The following POC1A variants were observed in gnomAD, a reference collection of about 807,000 sequenced individuals.
POC1A encodes the protein POC1 centriolar protein homolog A.
A neutral mutation model predicts 47.8 loss-of-function variants in POC1A; 34 were observed. The ratio of observed to expected loss-of-function variants is 0.71; its 90% CI spans 0.54 to 0.95. The LOEUF (loss-of-function observed/expected upper bound fraction) is 0.95, where lower values mean the gene tolerates loss of function less well. Ranked by LOEUF, POC1A falls within the 40% of genes least tolerant of loss-of-function variation. The pLI, the probability that POC1A is intolerant of heterozygous loss-of-function variation, is 0.00. For missense variants in POC1A, 466 were observed against 528.3 expected (o/e 0.88, Z 1.16); for synonymous variants, 177 against 207.6 (o/e 0.85, Z 1.27).
chr3:52,117,665 G>A (rs1703616801), intron 9 of POC1A, among the ~76,000 whole-genome samples: 1 of 152,120 alleles, frequency 6.6e-6, no homozygotes, highest in African/African-American at 2.4e-5. Context: ...GAACCGGACA[G>A]CAGCCAACCC....
At chr3:52,139,926 G>A (rs1037453513) in intron 6 of POC1A, among the ~76,000 whole-genome samples, 1 of 152,164 alleles carries the variant, frequency 6.6e-6, no homozygotes, top group Non-Finnish European at 1.5e-5. Flanking sequence ...GGTGCCTTCT[G>A]AGGAAAACCC....
chr3:52,112,091 AAC>A (rs1043377001), intron 9 of POC1A, among the ~76,000 whole-genome samples: 2 of 152,194 alleles, frequency 1.3e-5, no homozygotes, highest in African/African-American at 4.8e-5. Context: ...TCTGGTTGTA[AAC>A]AGAGCCTTGG....
intron 9 of POC1A, among the ~76,000 whole-genome samples, chr3:52,114,398 A>G (rs1395428503): frequency 6.6e-6 from 1 of 152,208 alleles, no homozygotes; most frequent in Non-Finnish European, 1.5e-5. Context: ...AGGGAGGTGC[A>G]CTTGACAGAG....
At chr3:52,125,044 G>T in intron 8 of POC1A, 69 bp downstream of exon 8, 1 of 1,272,598 alleles carries the variant, frequency 7.9e-7, no homozygotes, top group Non-Finnish European at 1.1e-6. Flanking sequence ...CAAACACCCT[G>T]TTTGGTTCTG....
chr3:52,114,072 T>A (rs1220465278), intron 9 of POC1A, among the ~76,000 whole-genome samples: 1 of 152,162 alleles, frequency 6.6e-6, no homozygotes, highest in Admixed American at 6.5e-5. Context: ...ACACGCCACC[T>A]CAGGCTGGGT....
intron 7 of POC1A, among the ~76,000 whole-genome samples, chr3:52,137,088 G>A (rs539100642): frequency 1.3e-5 from 2 of 152,286 alleles, no homozygotes; most frequent in Non-Finnish European, 2.9e-5. Context: ...AGGGCCAGCA[G>A]CCACCCCCTC....
intron 10 of POC1A, among the ~76,000 whole-genome samples, chr3:52,088,726 A>G (rs1702544507): frequency 6.6e-6 from 1 of 151,930 alleles, no homozygotes; most frequent in East Asian, 1.9e-4. Context: ...CCGAGGAGCA[A>G]GAGCAAATCA....
At chr3:52,104,641 C>A (rs998381473) in intron 9 of POC1A, among the ~76,000 whole-genome samples, 2 of 152,222 alleles carry the variant, frequency 1.3e-5, no homozygotes, top group Non-Finnish European at 2.9e-5. Context: ...GGGCCAAACC[C>A]AAGGCTGAAG....
intron 8 of POC1A, among the ~76,000 whole-genome samples, chr3:52,124,385 A>C (rs1185538546): frequency 6.6e-6 from 1 of 152,228 alleles, no homozygotes; most frequent in East Asian, 1.9e-4. Flanking sequence ...GGTGGTTAGC[A>C]GTCAGGGCAC....
In POC1A at chr3:52,154,419, C is replaced by T; in HGVS notation, c.-47G>A. 1.4e-6 allele frequency: 2 copies of T among 1,403,178 alleles called. No individual in the cohort carries two copies. The highest frequency in any genetic ancestry group is 1.5e-5 in the South Asian group (1 of 66,904). The allele number at this position is 1,403,178 out of a possible 1,614,324, so 86.9% of individuals were successfully genotyped here. A position where few individuals can be genotyped will look rare whatever the true frequency, so the allele number is the denominator to read the frequency against. ...GGCAGCTGCGGTGGCCGTTGCGGCCCGTTCAGTTTCCGCGCCCCCAACGGC... is the reference window on the plus strand; with the variant it reads ...GGCAGCTGCGGTGGCCGTTGCGGCCTGTTCAGTTTCCGCGCCCCCAACGGC... On this transcript the variant is annotated 5_prime_UTR_variant, in exon 1 of 11. Coordinates refer to ENST00000296484, the MANE Select transcript of POC1A (RefSeq NM_015426.5).
chr3:52,083,665 G>T (rs1163266674), intron 10 of POC1A, among the ~76,000 whole-genome samples: 1 of 152,144 alleles, frequency 6.6e-6, no homozygotes, highest in African/African-American at 2.4e-5. Flanking sequence ...TGTGTTTGGT[G>T]AGAGGGCGAG....
intron 2 of POC1A, 89 bp downstream of exon 2, chr3:52,150,927 G>A: frequency 8.5e-7 from 1 of 1,172,480 alleles, no homozygotes; most frequent in Non-Finnish European, 1.3e-6. Flanking sequence ...CAGTCCTTGT[G>A]CTCTGCTTCC....
intron 9 of POC1A, among the ~76,000 whole-genome samples, chr3:52,097,579 C>T (rs1345425709): frequency 1.3e-5 from 2 of 152,246 alleles, no homozygotes; most frequent in Non-Finnish European, 2.9e-5. Flanking sequence ...TGCAGTTCCT[C>T]TGTGGACTTG....
At chr3:52,135,655 G>C (rs1211320099) in intron 7 of POC1A, among the ~76,000 whole-genome samples, 1 of 152,160 alleles carries the variant, frequency 6.6e-6, no homozygotes, top group Non-Finnish European at 1.5e-5. Flanking sequence ...GCCAGGCTGT[G>C]GTATGGAGGT....
At chr3:52,141,706 C>T (rs116078520) in intron 6 of POC1A, among the ~76,000 whole-genome samples, 111 of 152,184 alleles carry the variant, frequency 7.3e-4, no homozygotes, top group Non-Finnish European at 1.1e-3. Flanking sequence ...TAAAACCCTC[C>T]GGCCGGGCAT....
At position 52,090,940 on chromosome 3, in the gene POC1A, GGACA is replaced by G. The variant is rs1702624892; in HGVS notation, c.1125+5625_1125+5628del. On this transcript the variant is annotated intron_variant, in intron 10 of 10. Coordinates refer to ENST00000296484, the MANE Select transcript of POC1A (RefSeq NM_015426.5). This position sits in a 1 kb window ranked among gnomAD's most constrained non-coding sequence, Gnocchi z 4.2. ...GCTGACCTCTGCTGCCCACCCCATG[GGACA>G]GACAGACAGAGGGGCAGCGCTTAAA... Among the ~76,000 whole-genome samples the G allele has an allele frequency of 6.6e-6, 1 of 152,204 alleles. No homozygotes were observed. Among genetic ancestry groups the G allele is most frequent in the African/African-American group, 2.4e-5 (1 of 41,432 alleles).
intron 6 of POC1A, among the ~76,000 whole-genome samples, chr3:52,143,469 T>A (rs1317400912): frequency 6.6e-6 from 1 of 152,144 alleles, no homozygotes. Context: ...GCCTCTGCCC[T>A]CCTCAGCTCT....
At chr3:52,139,450 G>A (rs1250562791) in intron 6 of POC1A, among the ~76,000 whole-genome samples, 1 of 152,088 alleles carries the variant, frequency 6.6e-6, no homozygotes, top group Non-Finnish European at 1.5e-5. Flanking sequence ...GATTCCCCCA[G>A]CCGTAGAACT....
At chr3:52,146,212 A>G (rs943971930) in intron 5 of POC1A, among the ~76,000 whole-genome samples, 4 of 152,268 alleles carry the variant, frequency 2.6e-5, no homozygotes, top group Non-Finnish European at 4.4e-5. Context: ...AATTTTCAAT[A>G]CAAGTTGAGA....
Sources: allele counts gnomAD v4.1 joint callset (sites outside exome capture counted in the v4.1 genomes callset), GRCh38; gene constraint gnomAD v4.1.1; non-coding constraint Gnocchi (gnomAD v3.1); transcripts MANE v1.5; gene names NCBI Gene and HGNC (gene_info 2026-07-23, HGNC 2026-07-21).